The following ADGRB3 variants were observed in gnomAD, a reference collection of about 807,000 sequenced individuals.
ADGRB3 encodes the protein brain-specific angiogenesis inhibitor 3.
In ADGRB3, 37 loss-of-function variants were observed where a neutral mutation model predicts 193.4. The observed-to-expected ratio is 0.19, with a 90% CI of 0.15 to 0.25. The LOEUF is 0.25. Ranked by LOEUF, ADGRB3 falls within the 10% of genes least tolerant of loss-of-function variation. ADGRB3 has a pLI of 1.00. For missense variants in ADGRB3, 1,637 were observed against 1,852.9 expected (o/e 0.88, Z 2.14); for synonymous variants, 690 against 644.2 (o/e 1.07, Z -1.08).
intron 3 of ADGRB3, among the ~76,000 whole-genome samples, chr6:68,789,222 G>A (rs565507513): frequency 1.4e-4 from 22 of 152,090 alleles, no homozygotes; most frequent in African/African-American, 4.3e-4. Flanking sequence ...TATTTTGCTC[G>A]TTAGTTGATG....
intron 3 of ADGRB3, among the ~76,000 whole-genome samples, chr6:68,854,145 T>C (rs1223181530): frequency 1.3e-5 from 2 of 152,146 alleles, no homozygotes; most frequent in Non-Finnish European, 2.9e-5. Context: ...ACAGGCTCCA[T>C]CCACTCTCTT....
At position 68,917,011 on chromosome 6, in the gene ADGRB3, C is replaced by T. The variant is rs74727780; in HGVS notation, c.758-13548C>T. ...AGCAGCAGAAATGCTGGGGGTTGGG[C>T]GGTGGTATGATGTGAGCAGTTAGGA... On this transcript the variant is annotated intron_variant, in intron 3 of 31. Transcript: ENST00000370598. Among the ~76,000 whole-genome samples, 96 of 152,180 alleles carry T rather than the reference C, an allele frequency of 6.3e-4. 1 individual carries two copies. The East Asian group carries it at 0.018, about 29-fold the overall frequency.
intron 3 of ADGRB3, among the ~76,000 whole-genome samples, chr6:68,764,057 T>A: frequency 6.6e-6 from 1 of 152,216 alleles, no homozygotes; most frequent in South Asian, 2.1e-4. Context: ...GGGTGACAAG[T>A]TGGGACCCTG....
intron 20 of ADGRB3, among the ~76,000 whole-genome samples, chr6:69,287,493 A>T (rs760614770): frequency 6.6e-6 from 1 of 152,228 alleles, no homozygotes; most frequent in Non-Finnish European, 1.5e-5. Context: ...GAAAAAAAAC[A>T]AACTGAATCT....
chr6:68,772,892 AAAATATATATATATATATATATATATAT>A (rs1320578576), intron 3 of ADGRB3, among the ~76,000 whole-genome samples: 1 of 30,570 alleles, frequency 3.3e-5, no homozygotes, highest in African/African-American at 1.6e-4. Context: ...CAAAAAAAAA[AAAATATATATATATATATATATATATAT>A]ATATATATAT....
intron 20 of ADGRB3, among the ~76,000 whole-genome samples, chr6:69,318,062 A>G (rs1037506630): frequency 6.6e-6 from 1 of 151,436 alleles, no homozygotes; most frequent in Non-Finnish European, 1.5e-5. Flanking sequence ...AACAATGTGT[A>G]TCTTTATTTT....
rs780364820 is a variant in ADGRB3, at chr6:69,339,490, A to G, written c.3445A>G (p.Ile1149Val). ...QGFVIVMVHC[I>V]LRREVQDAFR... The stretch of plus-strand genomic sequence containing the variant: ...CTTTGTTATAGTCATGGTCCACTGC[A>G]TTCTTCGGAGAGAGGTGAGAAGCAT... Residue 1149 changes from isoleucine (I) to valine (V), a missense_variant, in exon 26 of 32, where the codon ATT becomes GTT. Ile to Val is a conservative substitution (Grantham distance 29). This residue lies in a region of ADGRB3 where 116 missense variants were observed against 168.1 expected (regional missense o/e 0.69). Coordinates refer to ENST00000370598, the MANE Select transcript of ADGRB3 (RefSeq NM_001704.3). 6 of 1,613,566 alleles carry G rather than the reference A, an allele frequency of 3.7e-6. No homozygotes were observed. The South Asian group carries it at 5.5e-5, about 15-fold the overall frequency.
At chr6:69,102,039 T>A (rs1773072571) in intron 17 of ADGRB3, among the ~76,000 whole-genome samples, 1 of 151,834 alleles carries the variant, frequency 6.6e-6, no homozygotes, top group East Asian at 1.9e-4. Flanking sequence ...TAGCCGGGCG[T>A]GGTGGCGGAC....
intron 27 of ADGRB3, 118 bp downstream of exon 27, chr6:69,354,446 C>A: frequency 1.3e-6 from 1 of 791,090 alleles, no homozygotes; most frequent in Non-Finnish European, 2.1e-6. Flanking sequence ...GGCTTCAGTT[C>A]ATTAATAGAC....
At chr6:69,253,276 C>T (rs1766667882) in intron 20 of ADGRB3, among the ~76,000 whole-genome samples, 2 of 152,160 alleles carry the variant, frequency 1.3e-5, no homozygotes, top group African/African-American at 4.8e-5. Context: ...ATTTTGTCTA[C>T]ATTTGTCTAA....
chr6:68,999,621 TTTG>T lies in ADGRB3; in HGVS notation c.1929+5671_1929+5673del, dbSNP rs1263330391. Among the ~76,000 whole-genome samples the T allele has an allele frequency of 6.6e-5, 10 of 152,194 alleles. No individual in the cohort carries two copies. The East Asian group carries it at 9.6e-4, about 15-fold the overall frequency. On this transcript the variant is annotated intron_variant, in intron 11 of 31. Transcript: ENST00000370598. ...TTTAAGATCCAGCTTAAAGATATCTTTTGTTGTTGTTGTTCTCAAAAGTCTCAC... is the reference window on the plus strand; with the variant it reads ...TTTAAGATCCAGCTTAAAGATATCTTTTGTTGTTGTTCTCAAAAGTCTCAC...
At chr6:69,142,480 A>G (rs1030682788) in intron 17 of ADGRB3, among the ~76,000 whole-genome samples, 1 of 152,222 alleles carries the variant, frequency 6.6e-6, no homozygotes, top group Non-Finnish European at 1.5e-5. Flanking sequence ...GGTCTTCCCT[A>G]TATGGACTTG....
chr6:69,261,469 T>C (rs1306989977), intron 20 of ADGRB3, among the ~76,000 whole-genome samples: 2 of 152,130 alleles, frequency 1.3e-5, no homozygotes, highest in Non-Finnish European at 2.9e-5. Flanking sequence ...AATTGTTATA[T>C]AAATATACTA....
chr6:69,074,449 GA>G (rs1465698199), intron 16 of ADGRB3, among the ~76,000 whole-genome samples: 10 of 152,034 alleles, frequency 6.6e-5, no homozygotes, highest in African/African-American at 2.4e-4. Flanking sequence ...AGACAACACT[GA>G]AGCCTGAGGG....
At chr6:69,198,393 T>G (rs760682426) in intron 17 of ADGRB3, among the ~76,000 whole-genome samples, 81 of 152,116 alleles carry the variant, frequency 5.3e-4, no homozygotes, top group Middle Eastern at 3.4e-3. Context: ...AATAGGAATA[T>G]AAATACTATG....
intron 3 of ADGRB3, among the ~76,000 whole-genome samples, chr6:68,646,161 T>C (rs1022613398): frequency 5.9e-5 from 9 of 152,224 alleles, no homozygotes; most frequent in Middle Eastern, 3.4e-3. Context: ...GTGTCCAGGA[T>C]GGAAAAAGTT....
chr6:69,347,092 C>A (rs377401908), intron 26 of ADGRB3, among the ~76,000 whole-genome samples: 3 of 152,126 alleles, frequency 2.0e-5, no homozygotes, highest in African/African-American at 4.8e-5. Context: ...TCATTCTCAG[C>A]GAACTAACAC....
intron 16 of ADGRB3, among the ~76,000 whole-genome samples, chr6:69,069,731 TAAAAA>T (rs754345752): frequency 9.2e-6 from 1 of 108,238 alleles, no homozygotes; most frequent in South Asian, 3.0e-4. Context: ...ACTCTCTCAT[TAAAAA>T]AAAAAAAAAA....
intron 21 of ADGRB3, among the ~76,000 whole-genome samples, chr6:69,325,420 C>T (rs1215138293): frequency 6.6e-6 from 1 of 151,974 alleles, no homozygotes; most frequent in East Asian, 1.9e-4. Flanking sequence ...TTCAAGAAAT[C>T]TCAAAGCAAT....
Sources: allele counts gnomAD v4.1 joint callset (sites outside exome capture counted in the v4.1 genomes callset), GRCh38; gene constraint gnomAD v4.1.1; regional missense constraint gnomAD v4.1.1; transcripts MANE v1.5; gene names NCBI Gene and HGNC (gene_info 2026-07-23, HGNC 2026-07-21).